Variants in ZNF780B observed in about 807,000 individuals in gnomAD.
ZNF780B encodes the protein zinc finger protein 780B, also known as zinc finger protein 779.
A neutral mutation model predicts 74.1 loss-of-function variants in ZNF780B; 52 were observed. The observed-to-expected ratio is 0.70, with a 90% CI of 0.56 to 0.88. The LOEUF (loss-of-function observed/expected upper bound fraction) is 0.88, where lower values mean the gene tolerates loss of function less well. Among genes scored for constraint, ZNF780B ranks in the 40% least tolerant of loss-of-function variants. The probability of loss-of-function intolerance (pLI) is 0.00; values close to 1 mark genes in which losing one functional copy is unlikely to be tolerated. For synonymous variants in ZNF780B, 315 were observed against 324.3 expected (o/e 0.97, Z 0.31); for missense variants, 953 against 1,007.6 (o/e 0.95, Z 0.73).
intron 1 of ZNF780B, among the ~76,000 whole-genome samples, chr19:40,053,911 C>T (rs887136420): frequency 6.6e-6 from 1 of 152,166 alleles, no homozygotes; most frequent in Non-Finnish European, 1.5e-5. Flanking sequence ...AAAGCGGAGG[C>T]GAAGGCCGAG....
At chr19:40,037,258 T>C (rs1972384664) in intron 4 of ZNF780B, among the ~76,000 whole-genome samples, 1 of 151,424 alleles carries the variant, frequency 6.6e-6, no homozygotes, top group Non-Finnish European at 1.5e-5. Flanking sequence ...TCTCTCTCTG[T>C]TGCATAGGCT....
chr19:40,046,239 A>G (rs968705930), intron 4 of ZNF780B, among the ~76,000 whole-genome samples: 1 of 152,202 alleles, frequency 6.6e-6, no homozygotes, highest in Non-Finnish European at 1.5e-5. Context: ...CAAAATAGCT[A>G]GAAGACTTGA....
intron 4 of ZNF780B, among the ~76,000 whole-genome samples, chr19:40,045,079 A>T (rs1409984111): frequency 2.6e-5 from 4 of 152,236 alleles, no homozygotes; most frequent in Non-Finnish European, 5.9e-5. Context: ...GATTTTAAGT[A>T]AAAAACAGCA....
At position 40,034,184 on chromosome 19, in the gene ZNF780B, T is replaced by C. The variant is rs1293573018; in HGVS notation, c.*173A>G. On this transcript the variant is annotated 3_prime_UTR_variant, in exon 5 of 5. Coordinates refer to ENST00000434248, the MANE Select transcript of ZNF780B (RefSeq NM_001005851.3). ...CTTTCCCACATTCTTCACATTGATATGGTTTCTCACCAGTATGAATTCTCT... is the reference window on the plus strand; with the variant it reads ...CTTTCCCACATTCTTCACATTGATACGGTTTCTCACCAGTATGAATTCTCT... 8.8e-6 allele frequency: 6 copies of C among 679,586 alleles called. No homozygotes were observed. The Admixed American group carries it at 1.0e-4, about 12-fold the overall frequency. The allele number at this position is 679,586 out of a possible 1,614,324, so 42.1% of individuals were successfully genotyped here.
intron 4 of ZNF780B, among the ~76,000 whole-genome samples, chr19:40,037,205 G>C (rs964954790): frequency 2.0e-5 from 3 of 149,150 alleles, no homozygotes; most frequent in Admixed American, 2.0e-4. Context: ...GTGAGCCATT[G>C]TGCCTGGCCT....
chr19:40,033,628 GTT>G lies in ZNF780B; in HGVS notation c.*727_*728del, dbSNP rs1397135701. ...TTCTCATCAATATGAATTCTCTGGT[GTT>G]GAGTAAATTTTTCATACACAGTGAA... On this transcript the variant is annotated 3_prime_UTR_variant, in exon 5 of 5. Transcript: ENST00000434248. The G allele has an allele frequency of 1.3e-5, 2 of 153,668 alleles. No homozygotes were observed. The highest frequency in any genetic ancestry group is 2.9e-5 in the Non-Finnish European group (2 of 68,552). 9.5% of individuals were successfully genotyped at this position (153,668 alleles called of 1,614,324 possible). A position where few individuals can be genotyped will look rare whatever the true frequency, so the allele number is the denominator to read the frequency against.
intron 4 of ZNF780B, among the ~76,000 whole-genome samples, chr19:40,046,337 T>G (rs1254562559): frequency 6.6e-6 from 1 of 152,202 alleles, no homozygotes; most frequent in Non-Finnish European, 1.5e-5. Flanking sequence ...CATTACACCT[T>G]CTATGCATGG....
In ZNF780B at chr19:40,028,855, GTTTGT is replaced by G. The variant is rs1471227807; in HGVS notation, c.*5497_*5501del. The G allele has an allele frequency of 1.3e-5, 2 of 152,122 alleles. No individual in the cohort carries two copies. The highest frequency in any genetic ancestry group is 2.4e-5 in the African/African-American group (1 of 41,428). The allele number at this position is 152,122 out of a possible 1,614,324, so 9.4% of individuals were successfully genotyped here. Reference sequence around the variant, plus strand: ...TCTCAAATATTAATATATTAAGCTAGTTTGTTTTAAGAGGTTTCCAGAATTGCCAA... The same window carrying G: ...TCTCAAATATTAATATATTAAGCTAGTTTAAGAGGTTTCCAGAATTGCCAA... On this transcript the variant is annotated 3_prime_UTR_variant, in exon 5 of 5. Coordinates refer to ENST00000434248, the MANE Select transcript of ZNF780B (RefSeq NM_001005851.3).
At position 40,034,855 on chromosome 19, in the gene ZNF780B, T is replaced by C. The variant is rs754282589; in HGVS notation, c.2004A>G (p.Pro668=). Reference sequence around the variant, plus strand: ...CTTTCCCACACTCCTTACATTCATATGGTTTTACACCAGCATGAATACTCT... The same window carrying C: ...CTTTCCCACACTCCTTACATTCATACGGTTTTACACCAGCATGAATACTCT... ...QHQSIHAGVK[P]YECKECGKGF... is the part of the protein sequence containing the mutation. The change falls in exon 5 of 5, where the codon CCA becomes CCG. Residue 668 remains proline (P), a synonymous_variant. Transcript: ENST00000434248. The C allele has an allele frequency of 1.2e-6, 2 of 1,612,928 alleles. No individual in the cohort carries two copies. The highest frequency in any genetic ancestry group is 1.3e-5 in the African/African-American group (1 of 74,588).
intron 4 of ZNF780B, among the ~76,000 whole-genome samples, chr19:40,045,009 T>C (rs183691525): frequency 6.6e-6 from 1 of 152,224 alleles, no homozygotes; most frequent in East Asian, 1.9e-4. Flanking sequence ...GAAAAGATAT[T>C]CCATACAAAT....
chr19:40,047,519 T>G, intron 3 of ZNF780B, 49 bp from the exon 4 acceptor site: 1 of 1,391,034 alleles, frequency 7.2e-7, no homozygotes, highest in Non-Finnish European at 9.7e-7. Context: ...ATAAAAATTT[T>G]TTTTAAACCC....
intron 1 of ZNF780B, 121 bp from the exon 2 acceptor site, chr19:40,050,498 A>C: frequency 2.0e-6 from 2 of 983,202 alleles, no homozygotes; most frequent in South Asian, 3.2e-5. Flanking sequence ...GCACACTTCC[A>C]CCCTTCTCCC....
rs77101765 is a variant in ZNF780B at position 40,044,943 on chromosome 19, T to C, written c.232+2432A>G. On this transcript the variant is annotated intron_variant, in intron 4 of 4. Transcript: ENST00000434248. ...AAACATGATCCAACTATAAGCTGCCTACAAGAAACTCTTCTCACTGGTAAA... is the reference window on the plus strand; with the variant it reads ...AAACATGATCCAACTATAAGCTGCCCACAAGAAACTCTTCTCACTGGTAAA... Among the ~76,000 whole-genome samples the C allele has an allele frequency of 6.8e-3, 1,038 of 152,200 alleles. 12 individuals carry two copies. Among genetic ancestry groups the C allele is most frequent in the African/African-American group, 0.024 (982 of 41,518 alleles).
rs891844945 is a variant in ZNF780B, at chr19:40,029,706, A to C, written c.*4651T>G. 1 of 152,064 alleles carries C rather than the reference A, an allele frequency of 6.6e-6. No individual in the cohort carries two copies. Among genetic ancestry groups the C allele is most frequent in the Non-Finnish European group, 1.5e-5 (1 of 68,122 alleles). 9.4% of individuals were successfully genotyped at this position (152,064 alleles called of 1,614,324 possible). A position where few individuals can be genotyped will look rare whatever the true frequency, so the allele number is the denominator to read the frequency against. ...CCTCTAAAAGGAACCAGGACTCCCT[A>C]AGATAAGAGGGTATTAAATCATGAG... is the stretch of plus-strand genomic sequence containing the variant. On this transcript the variant is annotated 3_prime_UTR_variant, in exon 5 of 5. Transcript: ENST00000434248.
rs1568406464 is a variant in ZNF780B at position 40,035,610 on chromosome 19, A to G, written c.1249T>C (p.Tyr417His). ...CCTTTCCCACACTCCTTACATTCAT[A>G]TGGTTTTACATCAGCATGAATACTC... The part of the protein sequence containing the change: ...HQSIHADVKP[Y>H]ECKECGKGFN... The change falls in exon 5 of 5, where the codon TAT becomes CAT. Residue 417 changes from tyrosine to histidine, a missense_variant. By Grantham distance (83) the Tyr-to-His change is moderately conservative. Coordinates refer to ENST00000434248, the MANE Select transcript of ZNF780B (RefSeq NM_001005851.3). 4.3e-6 allele frequency: 7 copies of G among 1,613,580 alleles called. No homozygotes were observed. The highest frequency in any genetic ancestry group is 1.7e-5 in the Admixed American group (1 of 59,944).
intron 1 of ZNF780B, among the ~76,000 whole-genome samples, chr19:40,052,276 C>T (rs1225237194): frequency 6.6e-6 from 1 of 152,078 alleles, no homozygotes; most frequent in Admixed American, 6.6e-5. Context: ...GTATCCCTGA[C>T]CTCTATCCAC....
At chr19:40,050,136 G>T (rs1286913387) in intron 2 of ZNF780B, among the ~76,000 whole-genome samples, 188 bp downstream of exon 2, 1 of 139,320 alleles carries the variant, frequency 7.2e-6, no homozygotes, top group Non-Finnish European at 1.5e-5. Flanking sequence ...GGCGGAAGTT[G>T]CAATGAGCCA....
Position 40,035,833 on chromosome 19 carries a change from A to C in ZNF780B, c.1026T>G (p.Phe342Leu), listed in dbSNP as rs765694125. 3.1e-6 allele frequency: 5 copies of C among 1,614,130 alleles called. No individual in the cohort carries two copies. The South Asian group carries it at 5.5e-5, about 18-fold the overall frequency. The part of the protein sequence containing the change: ...PFECKECRKA[F>L]TLLTKLVRHQ... ...GTCGAACAAGCTTTGTCAGAAGAGT[A>C]AAGGCCTTTCTGCATTCTTTACATT... Residue 342 changes from phenylalanine (F) to leucine (L), a missense_variant, in exon 5 of 5, where the codon TTT becomes TTG. Phe to Leu is a conservative substitution (Grantham distance 22). Coordinates refer to ENST00000434248, the MANE Select transcript of ZNF780B (RefSeq NM_001005851.3).
chr19:40,051,212 TCACACA>T (rs571128446), intron 1 of ZNF780B, among the ~76,000 whole-genome samples: 4 of 146,882 alleles, frequency 2.7e-5, no homozygotes, highest in African/African-American at 1.0e-4. Context: ...ATAATTATAT[TCACACA>T]CACACACACA....
Sources: allele counts gnomAD v4.1 joint callset (sites outside exome capture counted in the v4.1 genomes callset), GRCh38; gene constraint gnomAD v4.1.1; transcripts MANE v1.5; gene names NCBI Gene and HGNC (gene_info 2026-07-23, HGNC 2026-07-21).